Variants in RTN4 observed in about 807,000 individuals in gnomAD.
RTN4 encodes the protein reticulon-4.
In RTN4, 32 loss-of-function variants were observed where a neutral mutation model predicts 90.4. The ratio of observed to expected loss-of-function variants is 0.35; its 90% CI spans 0.27 to 0.48. The LOEUF is 0.48. RTN4 is among the 20% of genes least tolerant of loss of function. The probability of loss-of-function intolerance (pLI) is 0.99; values close to 1 mark genes in which losing one functional copy is unlikely to be tolerated. For missense variants in RTN4, 1,706 were observed against 1,430.2 expected (o/e 1.19, Z -3.11); for synonymous variants, 629 against 552.5 (o/e 1.14, Z -1.94).
intron 3 of RTN4, among the ~76,000 whole-genome samples, chr2:55,020,361 A>G (rs1681334741): frequency 6.6e-6 from 1 of 152,182 alleles, no homozygotes; most frequent in Non-Finnish European, 1.5e-5. Context: ...AACACAGACC[A>G]ATGGAACAGA....
At chr2:55,071,297 A>G (rs1222044600) in intron 2 of RTN4, among the ~76,000 whole-genome samples, 1 of 151,908 alleles carries the variant, frequency 6.6e-6, no homozygotes, top group African/African-American at 2.4e-5. Context: ...CAGTTTCATC[A>G]TTTCTCAAAT....
chr2:55,076,389 CTTTTTTTTTTT>C (rs58070912), intron 2 of RTN4, among the ~76,000 whole-genome samples: 1 of 64,630 alleles, frequency 1.5e-5, no homozygotes, highest in Non-Finnish European at 2.6e-5. Flanking sequence ...TTCTTTTGTT[CTTTTTTTTTTT>C]TTTTTTTTTT....
At chr2:55,049,709 G>C in intron 1 of RTN4, 36 bp downstream of exon 1, 1 of 1,415,096 alleles carries the variant, frequency 7.1e-7, no homozygotes, top group Non-Finnish European at 9.3e-7. Context: ...GGAGGGGCGC[G>C]AGGGGCGGCG....
intron 1 of RTN4, among the ~76,000 whole-genome samples, chr2:55,095,642 T>A (rs575045398): frequency 6.6e-6 from 1 of 152,206 alleles, no homozygotes; most frequent in East Asian, 1.9e-4. Flanking sequence ...GCACTCCCTA[T>A]CTCCCTGCCC....
rs967364160 is a variant in RTN4 at position 55,032,159 on chromosome 2, C to A, written c.557-3939G>T. Among the ~76,000 whole-genome samples, 4 of 152,046 alleles carry A rather than the reference C, an allele frequency of 2.6e-5. No homozygotes were observed. In the East Asian group the frequency reaches 7.7e-4, roughly 29 times the overall value. On this transcript the variant is annotated intron_variant, in intron 1 of 8. Coordinates refer to ENST00000337526, the MANE Select transcript of RTN4 (RefSeq NM_020532.5). ...ACAGCGGGGCTATCTTGGCTCACTGCAACCTCCACCTCCCAGGTTCAAGCA... is the reference window on the plus strand; with the variant it reads ...ACAGCGGGGCTATCTTGGCTCACTGAAACCTCCACCTCCCAGGTTCAAGCA...
Position 54,988,937 on chromosome 2 carries a change from A to G in RTN4, c.3014-1239T>C, listed in dbSNP as rs898569053. ...GCTCTTGAATTCATAGGCTGATGTA[A>G]TTAATCTCTCTCTGAACTGTGAACA... On this transcript the variant is annotated intron_variant, in intron 3 of 8. Coordinates refer to ENST00000337526, the MANE Select transcript of RTN4 (RefSeq NM_020532.5). Among the ~76,000 whole-genome samples the G allele has an allele frequency of 2.9e-4, 44 of 152,224 alleles. 2 individuals carry two copies. Among genetic ancestry groups the G allele is most frequent in the Non-Finnish European group, 5.9e-5 (4 of 68,042 alleles).
chr2:54,976,836 G>T (rs1177014468), intron 5 of RTN4, among the ~76,000 whole-genome samples: 4 of 152,158 alleles, frequency 2.6e-5, no homozygotes, highest in African/African-American at 9.7e-5. Flanking sequence ...ACGATTCCAT[G>T]GCAAATACTT....
At chr2:55,080,255 C>A (rs1457940730) in intron 2 of RTN4, among the ~76,000 whole-genome samples, 2 of 151,850 alleles carry the variant, frequency 1.3e-5, no homozygotes, top group Non-Finnish European at 2.9e-5. Context: ...TGGGCTCAAG[C>A]GATCCTCCTG....
At chr2:55,076,345 A>G (rs989422111) in intron 2 of RTN4, among the ~76,000 whole-genome samples, 2 of 142,914 alleles carry the variant, frequency 1.4e-5, no homozygotes, top group African/African-American at 5.3e-5. Flanking sequence ...CAACATCACT[A>G]CTTGATATGG....
At chr2:55,043,886 A>AAAAAT (rs1303027917) in intron 1 of RTN4, among the ~76,000 whole-genome samples, 4 of 151,906 alleles carry the variant, frequency 2.6e-5, no homozygotes, top group South Asian at 4.1e-4. Flanking sequence ...ACTCCACCTC[A>AAAAAT]AAAATAAAAT....
At chr2:55,116,176 G>C (rs898359811), upstream of RTN4, among the ~76,000 whole-genome samples, 1 of 130,588 alleles carries the variant, frequency 7.7e-6, no homozygotes, top group East Asian at 2.5e-4. Flanking sequence ...CTATCCTCCC[G>C]CCTGGCCTCC....
intron 1 of RTN4, chr2:55,046,976 A>G (rs926351927): frequency 6.6e-6 from 1 of 152,244 alleles, no homozygotes; most frequent in South Asian, 2.1e-4. Flanking sequence ...GTTCAAAGAC[A>G]GAACTATTTT....
intron 3 of RTN4, among the ~76,000 whole-genome samples, chr2:55,023,850 C>G (rs897892862): frequency 6.6e-6 from 1 of 152,090 alleles, no homozygotes; most frequent in Non-Finnish European, 1.5e-5. Flanking sequence ...GACCAACTTG[C>G]AATCCTTAAC....
chr2:54,990,037 T>C (rs905508072), intron 3 of RTN4, among the ~76,000 whole-genome samples: 15 of 152,184 alleles, frequency 9.9e-5, no homozygotes, highest in Non-Finnish European at 2.1e-4. Context: ...TTAGGTTCTA[T>C]AGTTGGGTCA....
intron 2 of RTN4, among the ~76,000 whole-genome samples, chr2:55,072,609 C>T (rs373708068): frequency 6.6e-6 from 1 of 152,248 alleles, no homozygotes; most frequent in Non-Finnish European, 1.5e-5. Context: ...TAAGTTTTCA[C>T]TTTTGATAAT....
At chr2:54,975,107 A>G (rs2104602675) in intron 5 of RTN4, among the ~76,000 whole-genome samples, 1 of 152,346 alleles carries the variant, frequency 6.6e-6, no homozygotes, top group South Asian at 2.1e-4. Flanking sequence ...AGAATTGTCT[A>G]TTAGAATTGA....
Position 55,025,513 on chromosome 2 carries a change from T to C in RTN4, c.2586A>G (p.Ser862=). The C allele has an allele frequency of 1.2e-6, 2 of 1,613,760 alleles. No individual in the cohort carries two copies. The highest frequency in any genetic ancestry group is 1.7e-6 in the Non-Finnish European group (2 of 1,179,786). Residue 862 remains serine, a synonymous_variant, in exon 3 of 9, where the codon TCA becomes TCG. Transcript: ENST00000337526. ...QIRETETFSD[S]SPIEIIDEFP... The stretch of plus-strand genomic sequence containing the variant: ...ACTCATCTATAATTTCAATTGGAGA[T>C]GAATCTGAAAACGTTTCAGTTTCTC...
intron 2 of RTN4, among the ~76,000 whole-genome samples, chr2:55,077,754 T>TAC (rs1329165694): frequency 5.4e-5 from 3 of 55,130 alleles, no homozygotes; most frequent in African/African-American, 7.4e-5. Flanking sequence ...GAAAATGTTT[T>TAC]ATACACACAC....
At chr2:54,990,242 A>G (rs1290231842) in intron 3 of RTN4, among the ~76,000 whole-genome samples, 1 of 152,262 alleles carries the variant, frequency 6.6e-6, no homozygotes, top group African/African-American at 2.4e-5. Context: ...AACAGTCAAT[A>G]GTTGTATGTA....
Sources: allele counts gnomAD v4.1 joint callset (sites outside exome capture counted in the v4.1 genomes callset), GRCh38; gene constraint gnomAD v4.1.1; transcripts MANE v1.5; gene names NCBI Gene and HGNC (gene_info 2026-07-23, HGNC 2026-07-21).